Variants in JCAD observed in about 807,000 individuals in gnomAD.
JCAD encodes junctional cadherin 5-associated protein.
JCAD carries 40 observed loss-of-function variants against 98.0 expected under a neutral mutation model. That is an observed-to-expected ratio of 0.41 (90% CI 0.32 to 0.53). The LOEUF (loss-of-function observed/expected upper bound fraction) is 0.53. Among genes scored for constraint, JCAD ranks in the 20% least tolerant of loss-of-function variants. JCAD has a pLI of 0.31. For synonymous variants in JCAD, 691 were observed against 682.3 expected (o/e 1.01, Z -0.20); for missense variants, 1,705 against 1,738.1 (o/e 0.98, Z 0.34).
intron 3 of JCAD, chr10:30,025,871 A>G (rs1354161279): frequency 1.3e-5 from 7 of 548,926 alleles, no homozygotes; most frequent in Non-Finnish European, 1.9e-5. Context: ...CAGCCAGGCG[A>G]CAGAGTGAGA....
chr10:30,022,691 C>A (rs867089150), intron 3 of JCAD, among the ~76,000 whole-genome samples: 1 of 152,148 alleles, frequency 6.6e-6, no homozygotes, highest in Non-Finnish European at 1.5e-5. Flanking sequence ...CTCTCCCCTC[C>A]GATTATGGTC....
In JCAD at chr10:30,021,391, G is replaced by T. The variant is rs190456091; in HGVS notation, c.4046-3474C>A. On this transcript the variant is annotated intron_variant, in intron 3 of 3. Coordinates refer to ENST00000375377, the MANE Select transcript of JCAD (RefSeq NM_020848.4). ...GTTTTTCAGTTTTTGTAGAGATGGG[G>T]GTCTCGCTATGTTGCCCAGGCTGGT... Among the ~76,000 whole-genome samples, 382 of 152,114 alleles carry T rather than the reference G, an allele frequency of 2.5e-3. 1 individual carries two copies. Among genetic ancestry groups the T allele is most frequent in the Non-Finnish European group, 4.0e-3 (272 of 67,994 alleles).
In JCAD at chr10:30,104,782, TTTTGTTTG is replaced by T. The variant is rs148220694; in HGVS notation, n.128+10577_128+10584del. Among the ~76,000 whole-genome samples, 178 of 151,900 alleles carry T rather than the reference TTTTGTTTG, an allele frequency of 1.2e-3. 1 individual carries two copies. The highest frequency in any genetic ancestry group is 3.6e-3 in the African/African-American group (149 of 41,366). ...CATATGCTTGTCAAAAGTTTTTTGT[TTTTGTTTG>T]TTTGTTTGTTTGTTTGTTTTTTAAA... On this transcript the variant is annotated intron_variant and non_coding_transcript_variant, in intron 1 of 2. Coordinates refer to the JCAD transcript ENST00000465712.
chr10:30,086,526 T>C (rs1349965868), intron 1 of JCAD, among the ~76,000 whole-genome samples: 1 of 152,240 alleles, frequency 6.6e-6, no homozygotes, highest in Non-Finnish European at 1.5e-5. Context: ...CAGCAGTGAA[T>C]TCAGCAGGCT....
At chr10:30,064,860 C>CG (rs1292621251) in intron 2 of JCAD, among the ~76,000 whole-genome samples, 5 of 152,206 alleles carry the variant, frequency 3.3e-5, no homozygotes, top group African/African-American at 1.2e-4. Context: ...TTAGTAAAGA[C>CG]GGGGTTTCAC....
chr10:30,104,225 C>T (rs1168344463), intron 1 of JCAD, among the ~76,000 whole-genome samples: 5 of 152,126 alleles, frequency 3.3e-5, no homozygotes, highest in Admixed American at 3.3e-4. Context: ...TCACAAGGGG[C>T]TTTACATGCT....
At chr10:30,094,875 C>T (rs2132700985) in intron 1 of JCAD, among the ~76,000 whole-genome samples, 1 of 152,314 alleles carries the variant, frequency 6.6e-6, no homozygotes, top group Admixed American at 6.5e-5. Context: ...CCCTTCTTTT[C>T]CTCCTCCTAC....
Position 30,027,075 on chromosome 10 carries a change from CACT to C in JCAD, c.3070_3072del (p.Ser1024del). Reference sequence around the variant, plus strand: ...GGGAGCCCTGCCCCCCTCTCTCCACCACTGTCAAACTTCCGAGGGACCGCTTCA... The same window carrying C: ...GGGAGCCCTGCCCCCCTCTCTCCACCGTCAAACTTCCGAGGGACCGCTTCA... On this transcript the variant is annotated inframe_deletion, in exon 3 of 4. Transcript: ENST00000375377. 1.2e-6 allele frequency: 2 copies of C among 1,614,236 alleles called. No homozygotes were observed. Among genetic ancestry groups the C allele is most frequent in the Non-Finnish European group, 1.7e-6 (2 of 1,180,030 alleles).
chr10:30,039,773 G>A lies in JCAD; in HGVS notation c.281+7759C>T, dbSNP rs573091605. Among the ~76,000 whole-genome samples, 4 of 152,262 alleles carry A rather than the reference G, an allele frequency of 2.6e-5. No homozygotes were observed. The South Asian group carries it at 8.3e-4, about 32-fold the overall frequency. On this transcript the variant is annotated intron_variant, in intron 2 of 3. Coordinates refer to ENST00000375377, the MANE Select transcript of JCAD (RefSeq NM_020848.4). ...GTGGTGAGCAGCTGCCCTGGGCACTGGAGGGGCGGCGTGGGTTTAAAGGCC... is the reference window on the plus strand; with the variant it reads ...GTGGTGAGCAGCTGCCCTGGGCACTAGAGGGGCGGCGTGGGTTTAAAGGCC...
intron 2 of JCAD, among the ~76,000 whole-genome samples, chr10:30,068,568 G>T (rs887666110): frequency 6.6e-6 from 1 of 152,102 alleles, no homozygotes; most frequent in Non-Finnish European, 1.5e-5. Flanking sequence ...TCAGCTACTG[G>T]ATTCCGAATA....
At chr10:30,077,900 T>G (rs1275174836) in intron 1 of JCAD, among the ~76,000 whole-genome samples, 1 of 152,252 alleles carries the variant, frequency 6.6e-6, no homozygotes, top group African/African-American at 2.4e-5. Flanking sequence ...TTTGAGTCAC[T>G]ATTTTCAGTT....
Position 30,029,249 on chromosome 10 carries a change from G to A in JCAD, c.899C>T (p.Ser300Leu), listed in dbSNP as rs776888547. The A allele has an allele frequency of 8.1e-6, 13 of 1,614,038 alleles. No individual in the cohort carries two copies. The highest frequency in any genetic ancestry group is 4.5e-5 in the East Asian group (2 of 44,896). Reference sequence around the variant, plus strand: ...CGCTCCTCCCCTAGACTGCTGGTGCGAGCTGTAAGATGGGGGCTTGAGGGG... The same window carrying A: ...CGCTCCTCCCCTAGACTGCTGGTGCAAGCTGTAAGATGGGGGCTTGAGGGG... ...GRPLKPPSYSSHQQSRGGADS... is the reference protein window; with the variant it reads ...GRPLKPPSYSLHQQSRGGADS... Residue 300 changes from serine to leucine, a missense_variant, in exon 3 of 4, where the codon TCG becomes TTG. By Grantham distance (145) the Ser-to-Leu change is moderately radical. This residue lies in a region of JCAD where 275 missense variants were observed against 346.9 expected (regional missense o/e 0.79). Transcript: ENST00000375377.
At chr10:30,061,551 A>T (rs1041214177), upstream of JCAD, among the ~76,000 whole-genome samples, 3 of 151,824 alleles carry the variant, frequency 2.0e-5, no homozygotes. Flanking sequence ...CAAGAAAAAA[A>T]AAAAAAAGAA....
intron 2 of JCAD, among the ~76,000 whole-genome samples, chr10:30,035,587 CA>C (rs1487618536): frequency 6.6e-6 from 1 of 152,204 alleles, no homozygotes; most frequent in Admixed American, 6.5e-5. Flanking sequence ...CGCCCATTAC[CA>C]GCTAAAATGT....
intron 1 of JCAD, among the ~76,000 whole-genome samples, chr10:30,058,010 A>G (rs1474468618): frequency 6.6e-6 from 1 of 152,120 alleles, no homozygotes; most frequent in Non-Finnish European, 1.5e-5. Flanking sequence ...AAATGAACTG[A>G]CATTCCCAAA....
chr10:30,031,438 A>AT (rs34213034), intron 2 of JCAD, among the ~76,000 whole-genome samples: 4,322 of 97,014 alleles, frequency 0.045, 167 homozygotes, highest in South Asian at 0.054. Flanking sequence ...GCCCATCTGT[A>AT]TTTTTTTTTT....
At chr10:30,070,830 G>A (rs987756805) in intron 1 of JCAD, among the ~76,000 whole-genome samples, 1 of 152,172 alleles carries the variant, frequency 6.6e-6, no homozygotes, top group African/African-American at 2.4e-5. Context: ...TTTATCAGTA[G>A]GCACATCTAA....
rs1346522903 is a variant in JCAD, at chr10:30,059,449, T to C, written c.-60+33A>G. ...CCGTGGGAGCGGCCCTAATGGACGG[T>C]GGGAGCCAGGAGGGTTAGACGCCGG... On this transcript the variant is annotated intron_variant, in intron 1 of 3. Coordinates refer to ENST00000375377, the MANE Select transcript of JCAD (RefSeq NM_020848.4). The surrounding 1 kb of genome is among the most constrained non-coding windows in gnomAD (Gnocchi z 5.0). 6.6e-6 allele frequency: 1 copy of C among 151,426 alleles called. No individual in the cohort carries two copies. Among genetic ancestry groups the C allele is most frequent in the Non-Finnish European group, 1.5e-5 (1 of 67,808 alleles). The allele number at this position is 151,426 out of a possible 1,614,324, so 9.4% of individuals were successfully genotyped here. A position where few individuals can be genotyped will look rare whatever the true frequency, so the allele number is the denominator to read the frequency against.
At chr10:30,032,910 A>C (rs1460421238) in intron 2 of JCAD, among the ~76,000 whole-genome samples, 1 of 152,272 alleles carries the variant, frequency 6.6e-6, no homozygotes, top group Non-Finnish European at 1.5e-5. Flanking sequence ...TCTGAGGTAG[A>C]AGCTACTGTC....
Sources: gnomAD v4.1 joint callset for allele counts (sites outside exome capture counted in the v4.1 genomes callset) on GRCh38, gnomAD v4.1.1 for gene constraint, gnomAD v4.1.1 regional missense constraint, Gnocchi (gnomAD v3.1) non-coding constraint, MANE v1.5 for transcripts, NCBI Gene and HGNC (gene_info 2026-07-23, HGNC 2026-07-21) for gene names.